The following NAALADL2 variants were observed in gnomAD, a reference collection of about 807,000 sequenced individuals.
NAALADL2 encodes the protein inactive N-acetylated-alpha-linked acidic dipeptidase-like protein 2.
Under a neutral mutation model 87.2 loss-of-function variants are expected in NAALADL2, and 76 were observed. The ratio of observed to expected loss-of-function variants is 0.87; its 90% CI spans 0.72 to 1.05. The LOEUF is 1.05. NAALADL2 is among the 50% of genes least tolerant of loss of function. The pLI, the probability that NAALADL2 is intolerant of heterozygous loss-of-function variation, is 0.00. For synonymous variants in NAALADL2, 354 were observed against 331.0 expected (o/e 1.07, Z -0.75); for missense variants, 1,089 against 945.8 (o/e 1.15, Z -1.99).
chr3:175,248,530 C>A (rs184974199), intron 3 of NAALADL2, among the ~76,000 whole-genome samples: 1 of 151,254 alleles, frequency 6.6e-6, no homozygotes, highest in South Asian at 2.1e-4. Context: ...AAATACAAAT[C>A]TCTCTCTCTC....
intron 1 of NAALADL2, among the ~76,000 whole-genome samples, chr3:175,017,834 G>A (rs28663380): frequency 0.04 from 6,056 of 152,098 alleles, 150 homozygotes; most frequent in African/African-American, 0.065. Context: ...AGATTAGGGC[G>A]TTGGCCAGTC....
At chr3:174,835,693 A>T (rs1723253724) in intron 3 of NAALADL2, among the ~76,000 whole-genome samples, 1 of 152,184 alleles carries the variant, frequency 6.6e-6, no homozygotes, top group Non-Finnish European at 1.5e-5. Context: ...ATGTGCAAAT[A>T]AGTTGAATAG....
intron 5 of NAALADL2, among the ~76,000 whole-genome samples, chr3:175,406,697 C>T (rs1378247765): frequency 1.3e-5 from 2 of 152,024 alleles, no homozygotes; most frequent in African/African-American, 2.4e-5. Context: ...TGTATATATA[C>T]CATCAAACCT....
At chr3:174,934,046 T>C (rs892057026) in intron 1 of NAALADL2, among the ~76,000 whole-genome samples, 3 of 152,214 alleles carry the variant, frequency 2.0e-5, no homozygotes, top group Non-Finnish European at 4.4e-5. Flanking sequence ...AGACATTTTA[T>C]TTAAATAATA....
At chr3:175,133,210 C>G (rs1391000476) in intron 2 of NAALADL2, among the ~76,000 whole-genome samples, 3 of 150,416 alleles carry the variant, frequency 2.0e-5, no homozygotes, top group East Asian at 4.0e-4. Flanking sequence ...GGATGGCGGC[C>G]GGGCAGAGAC....
At chr3:175,744,351 T>G (rs911710088) in intron 12 of NAALADL2, among the ~76,000 whole-genome samples, 2 of 152,190 alleles carry the variant, frequency 1.3e-5, no homozygotes, top group Admixed American at 6.5e-5. Context: ...ATATCAGACT[T>G]CTACCCAAGA....
At chr3:175,124,506 A>G (rs1224282925) in intron 2 of NAALADL2, 1 of 152,038 alleles carries the variant, frequency 6.6e-6, no homozygotes, top group African/African-American at 2.4e-5. Flanking sequence ...CACTTTTATC[A>G]GGAAGATAAA....
chr3:175,207,071 T>G (rs1741051108), intron 2 of NAALADL2, among the ~76,000 whole-genome samples: 2 of 152,188 alleles, frequency 1.3e-5, no homozygotes, highest in Non-Finnish European at 2.9e-5. Context: ...GTATATATTG[T>G]AACATAAAGA....
Position 174,670,059 on chromosome 3 carries a change from A to G in NAALADL2, c.-114-67582A>G, listed in dbSNP as rs780234617. Reference sequence around the variant, plus strand: ...CTGATTTTTCATTGTCAGTGTAGAAATGGAACTTATTTTTGTGTGTCAATT... The same window carrying G: ...CTGATTTTTCATTGTCAGTGTAGAAGTGGAACTTATTTTTGTGTGTCAATT... On this transcript the variant is annotated intron_variant, in intron 2 of 3. Transcript: ENST00000434257. Among the ~76,000 whole-genome samples the G allele has an allele frequency of 7.5e-4, 114 of 152,038 alleles. 2 individuals carry two copies. The highest frequency in any genetic ancestry group is 2.6e-4 in the Admixed American group (4 of 15,242).
intron 1 of NAALADL2, among the ~76,000 whole-genome samples, chr3:174,868,152 T>G (rs541690797): frequency 2.1e-4 from 32 of 152,184 alleles, no homozygotes; most frequent in South Asian, 1.2e-3. Context: ...GAGGGGTAAA[T>G]AGGTTATTTT....
intron 5 of NAALADL2, among the ~76,000 whole-genome samples, chr3:175,406,608 T>C (rs1712423071): frequency 6.6e-6 from 1 of 152,192 alleles, no homozygotes; most frequent in Non-Finnish European, 1.5e-5. Flanking sequence ...GAAAATGATA[T>C]GGTTACATAA....
intron 2 of NAALADL2, among the ~76,000 whole-genome samples, chr3:175,201,540 A>C (rs1292717565): frequency 1.3e-5 from 2 of 152,350 alleles, no homozygotes; most frequent in East Asian, 3.9e-4. Flanking sequence ...AAAAACAATA[A>C]GACATTATAA....
At chr3:175,245,690 A>C (rs1747846520) in intron 3 of NAALADL2, among the ~76,000 whole-genome samples, 1 of 152,204 alleles carries the variant, frequency 6.6e-6, no homozygotes, top group Non-Finnish European at 1.5e-5. Flanking sequence ...GAAGTGATAA[A>C]ATTGAGAAGT....
At chr3:175,440,113 C>T (rs1719482932) in intron 5 of NAALADL2, among the ~76,000 whole-genome samples, 1 of 152,126 alleles carries the variant, frequency 6.6e-6, no homozygotes, top group African/African-American at 2.4e-5. Context: ...TGGCTTGCCA[C>T]TTACCCCAGC....
At chr3:175,068,549 G>A (rs1032599394) in intron 1 of NAALADL2, among the ~76,000 whole-genome samples, 1 of 152,042 alleles carries the variant, frequency 6.6e-6, no homozygotes, top group African/African-American at 2.4e-5. Context: ...GTTGTCTCTC[G>A]CAAACTTGGG....
chr3:174,985,825 G>GCCTGTAA (rs1423110542), intron 1 of NAALADL2, among the ~76,000 whole-genome samples: 1 of 151,988 alleles, frequency 6.6e-6, no homozygotes, highest in Non-Finnish European at 1.5e-5. Flanking sequence ...GGTGGTGCAT[G>GCCTGTAA]CCTGTAATCC....
intron 2 of NAALADL2, among the ~76,000 whole-genome samples, chr3:175,104,517 A>C (rs922288879): frequency 6.6e-6 from 1 of 151,978 alleles, no homozygotes; most frequent in Admixed American, 6.6e-5. Flanking sequence ...GCCCCTCTTC[A>C]CATTATTGTT....
intron 4 of NAALADL2, among the ~76,000 whole-genome samples, chr3:175,289,726 T>G (rs1217960302): frequency 6.6e-6 from 1 of 152,096 alleles, no homozygotes; most frequent in Non-Finnish European, 1.5e-5. Context: ...CTCAGAAGGC[T>G]AAGGCAGGAG....
intron 9 of NAALADL2, among the ~76,000 whole-genome samples, chr3:175,527,248 AGT>A (rs1733540118): frequency 6.6e-6 from 1 of 152,184 alleles, no homozygotes; most frequent in Non-Finnish European, 1.5e-5. Flanking sequence ...GCCAGTTTTC[AGT>A]GTGGCATATT....
Sources: gnomAD v4.1 joint callset for allele counts (sites outside exome capture counted in the v4.1 genomes callset) on GRCh38, gnomAD v4.1.1 for gene constraint, MANE v1.5 for transcripts, NCBI Gene and HGNC (gene_info 2026-07-23, HGNC 2026-07-21) for gene names.